The following DPP10 variants were observed in gnomAD, a reference collection of about 807,000 sequenced individuals.
DPP10 encodes dipeptidyl peptidase like 10.
A neutral mutation model predicts 120.9 loss-of-function variants in DPP10; 33 were observed. The observed-to-expected ratio is 0.27, with a 90% confidence interval of 0.21 to 0.37. The LOEUF is 0.37. Ranked by LOEUF, DPP10 falls within the 10% of genes least tolerant of loss-of-function variation. The pLI is 1.00. For missense variants in DPP10, 816 were observed against 942.8 expected (o/e 0.87, Z 1.76); for synonymous variants, 337 against 326.1 (o/e 1.03, Z -0.36).
rs149058348 is a variant in DPP10 at position 114,603,348 on chromosome 2, C to T, written c.60+160510C>T. Among the ~76,000 whole-genome samples, 93 of 152,124 alleles carry T rather than the reference C, an allele frequency of 6.1e-4. No homozygotes were observed. In the East Asian group the frequency reaches 0.013, roughly 22 times the overall value. ...TAAATGAAATTTGACATCAGATAGG[C>T]AGCATTGCAACTCATGATTCACCAT... On this transcript the variant is annotated intron_variant, in intron 1 of 25. Transcript: ENST00000410059.
chr2:115,197,731 T>G (rs1188944437), intron 1 of DPP10, among the ~76,000 whole-genome samples: 2 of 152,208 alleles, frequency 1.3e-5, no homozygotes, highest in Non-Finnish European at 2.9e-5. Flanking sequence ...GCTGTAAAAT[T>G]TGACTCAATT....
At chr2:115,419,698 A>G (rs1372974193) in intron 3 of DPP10, among the ~76,000 whole-genome samples, 2 of 152,200 alleles carry the variant, frequency 1.3e-5, no homozygotes, top group African/African-American at 2.4e-5. Context: ...TTCTTTAAAA[A>G]TAGGTGATAT....
intron 3 of DPP10, among the ~76,000 whole-genome samples, chr2:115,406,389 G>T (rs1196306062): frequency 6.6e-6 from 1 of 151,854 alleles, no homozygotes; most frequent in Non-Finnish European, 1.5e-5. Flanking sequence ...GTCTTCTTTT[G>T]AGCCCTCATT....
intron 1 of DPP10, among the ~76,000 whole-genome samples, chr2:114,578,013 CT>C (rs1690197267): frequency 6.6e-6 from 1 of 152,150 alleles, no homozygotes; most frequent in Non-Finnish European, 1.5e-5. Context: ...GCAGGTTGAA[CT>C]TCAAAATATA....
chr2:115,243,290 C>T (rs2058373132), intron 1 of DPP10, among the ~76,000 whole-genome samples: 1 of 152,074 alleles, frequency 6.6e-6, no homozygotes, highest in South Asian at 2.1e-4. Flanking sequence ...TTTCGATGGG[C>T]CCATTAACCC....
chr2:115,041,457 C>T (rs1001284725), intron 1 of DPP10, among the ~76,000 whole-genome samples: 7 of 152,058 alleles, frequency 4.6e-5, no homozygotes, highest in Non-Finnish European at 7.4e-5. Context: ...TGTCATTCTC[C>T]CTAACTATGA....
intron 1 of DPP10, among the ~76,000 whole-genome samples, chr2:114,903,170 T>C (rs1452621757): frequency 6.6e-6 from 1 of 152,200 alleles, no homozygotes; most frequent in Non-Finnish European, 1.5e-5. Flanking sequence ...TATTGTCTGA[T>C]GTACCACAGT....
intron 1 of DPP10, among the ~76,000 whole-genome samples, chr2:115,035,490 T>G (rs2105268672): frequency 6.6e-6 from 1 of 152,360 alleles, no homozygotes; most frequent in East Asian, 1.9e-4. Context: ...GTTTATATTT[T>G]TATTTTCAGA....
chr2:114,777,611 G>A (rs575452228), intron 1 of DPP10, among the ~76,000 whole-genome samples: 6 of 152,082 alleles, frequency 3.9e-5, no homozygotes, highest in South Asian at 2.1e-4. Flanking sequence ...TGAATGTCTC[G>A]TGTGAAAATG....
At chr2:115,365,198 G>C (rs1216549608) in intron 3 of DPP10, among the ~76,000 whole-genome samples, 2 of 152,072 alleles carry the variant, frequency 1.3e-5, no homozygotes, top group Non-Finnish European at 2.9e-5. Flanking sequence ...TAGACAGACT[G>C]TGATAGAATC....
chr2:115,769,055 G>A (rs1681143719), intron 13 of DPP10, among the ~76,000 whole-genome samples: 1 of 151,830 alleles, frequency 6.6e-6, no homozygotes, highest in Non-Finnish European at 1.5e-5. Flanking sequence ...GTAAATTCAG[G>A]TAGTTAGTTT....
chr2:115,842,441 CAGCT>C lies in DPP10; in HGVS notation c.*97_*100del. 7.0e-7 allele frequency: 1 copy of C among 1,434,866 alleles called. No homozygotes were observed. The highest frequency in any genetic ancestry group is 2.3e-5 in the East Asian group (1 of 42,934). The allele number at this position is 1,434,866 out of a possible 1,614,324, so 88.9% of individuals were successfully genotyped here. A position where few individuals can be genotyped will look rare whatever the true frequency, so the allele number is the denominator to read the frequency against. Reference sequence around the variant, plus strand: ...TGTAGTTGCTCCAGAATGTCAAGGGCAGCTTACGGAGATGTCACTGGAGCAGCAC... The same window carrying C: ...TGTAGTTGCTCCAGAATGTCAAGGGCTACGGAGATGTCACTGGAGCAGCAC... On this transcript the variant is annotated 3_prime_UTR_variant, in exon 26 of 26. Coordinates refer to ENST00000410059, the MANE Select transcript of DPP10 (RefSeq NM_020868.6).
At chr2:115,015,382 A>G (rs1189660744) in intron 1 of DPP10, among the ~76,000 whole-genome samples, 1 of 152,190 alleles carries the variant, frequency 6.6e-6, no homozygotes, top group Non-Finnish European at 1.5e-5. Context: ...TGACAAACCC[A>G]CAGCCTATAT....
intron 7 of DPP10, among the ~76,000 whole-genome samples, chr2:115,692,750 A>C (rs1047754231): frequency 6.6e-6 from 1 of 152,148 alleles, no homozygotes; most frequent in Non-Finnish European, 1.5e-5. Context: ...GTACACCATC[A>C]TATCATTGTG....
intron 3 of DPP10, chr2:115,468,874 A>T: frequency 2.4e-6 from 1 of 414,564 alleles, no homozygotes; most frequent in Admixed American, 2.6e-5. Flanking sequence ...GCCACAGAAG[A>T]CTGGTCTTCA....
intron 1 of DPP10, among the ~76,000 whole-genome samples, chr2:114,868,106 T>C (rs1225212305): frequency 6.6e-6 from 1 of 152,222 alleles, no homozygotes; most frequent in African/African-American, 2.4e-5. Context: ...TGGTCAAAAG[T>C]TGCTTAGCAT....
chr2:115,416,405 A>C (rs1270406701), intron 3 of DPP10, among the ~76,000 whole-genome samples: 1 of 152,146 alleles, frequency 6.6e-6, no homozygotes, highest in Non-Finnish European at 1.5e-5. Flanking sequence ...TGACTCAGCT[A>C]TAAATTTATA....
At chr2:115,490,488 A>G (rs558295451) in intron 3 of DPP10, among the ~76,000 whole-genome samples, 1 of 152,240 alleles carries the variant, frequency 6.6e-6, no homozygotes, top group South Asian at 2.1e-4. Flanking sequence ...CAGCTAAACC[A>G]TATCAATGGT....
chr2:115,503,716 T>G (rs4538209), intron 4 of DPP10, among the ~76,000 whole-genome samples: 32,290 of 152,098 alleles, frequency 0.21, 3,941 homozygotes, highest in East Asian at 0.39. Flanking sequence ...CATATCAATG[T>G]TGTGTTTTGA....
Sources: gnomAD v4.1 joint callset for allele counts (sites outside exome capture counted in the v4.1 genomes callset) on GRCh38, gnomAD v4.1.1 for gene constraint, MANE v1.5 for transcripts, NCBI Gene and HGNC (gene_info 2026-07-23, HGNC 2026-07-21) for gene names.